Variants in FBXL18 observed in about 807,000 individuals in gnomAD.
FBXL18 encodes the protein F-box and leucine rich repeat protein 18.
A neutral mutation model predicts 46.0 loss-of-function variants in FBXL18; 36 were observed. The ratio of observed to expected loss-of-function variants is 0.78; its 90% CI spans 0.60 to 1.03. The LOEUF (loss-of-function observed/expected upper bound fraction) is 1.03, where lower values mean the gene tolerates loss of function less well. FBXL18 is among the 50% of genes least tolerant of loss of function. FBXL18 has a pLI of 0.00. For missense variants in FBXL18, 977 were observed against 1,004.1 expected (o/e 0.97, Z 0.36); for synonymous variants, 557 against 465.3 (o/e 1.20, Z -2.54).
intron 3 of FBXL18, 106 bp from the exon 4 acceptor site, chr7:5,491,555 A>T (rs1361961662): frequency 1.0e-6 from 1 of 961,206 alleles, no homozygotes; most frequent in Non-Finnish European, 1.5e-6. Flanking sequence ...CCTGGGGCCC[A>T]GCCCAGCTGT....
In FBXL18 at chr7:5,484,917, G is replaced by T. The variant is rs1783736076; in HGVS notation, c.2001-2986C>A. On this transcript the variant is annotated intron_variant, in intron 4 of 4. Coordinates refer to ENST00000382368, the MANE Select transcript of FBXL18 (RefSeq NM_024963.6). Reference sequence around the variant, plus strand: ...GCCTCCCAAAGTGCTGGGATTACAGGTGTGAGCCACCATACCCGGCCATTA... The same window carrying T: ...GCCTCCCAAAGTGCTGGGATTACAGTTGTGAGCCACCATACCCGGCCATTA... Among the ~76,000 whole-genome samples the T allele has an allele frequency of 3.3e-5, 5 of 152,080 alleles. No individual in the cohort carries two copies. The South Asian group carries it at 1.0e-3, about 31-fold the overall frequency.
chr7:5,478,748 G>C lies in FBXL18; in HGVS notation c.*3027C>G, dbSNP rs1460765843. On this transcript the variant is annotated 3_prime_UTR_variant, in exon 5 of 5. Transcript: ENST00000382368. ...ACACGAAGGCACACGTGCACACACA[G>C]GGCACAGGTACACGCAGGCACATGT... The C allele has an allele frequency of 6.6e-6, 1 of 151,514 alleles. No homozygotes were observed. Among genetic ancestry groups the C allele is most frequent in the African/African-American group, 2.4e-5 (1 of 41,116 alleles). The allele number at this position is 151,514 out of a possible 1,614,324, so 9.4% of individuals were successfully genotyped here.
At chr7:5,505,391 C>G (rs758313353) in intron 2 of FBXL18, 21 bp downstream of exon 2, 87 of 1,609,808 alleles carry the variant, frequency 5.4e-5, no homozygotes, top group Non-Finnish European at 7.1e-5. Context: ...TTTCTCATCT[C>G]CTGCCCCCAC....
Position 5,513,802 on chromosome 7 carries a change from T to C in FBXL18, c.-128A>G. 7.5e-7 allele frequency: 1 copy of C among 1,330,078 alleles called. No individual in the cohort carries two copies. The highest frequency in any genetic ancestry group is 1.0e-6 in the Non-Finnish European group (1 of 980,910). The allele number at this position is 1,330,078 out of a possible 1,614,324, so 82.4% of individuals were successfully genotyped here. On this transcript the variant is annotated 5_prime_UTR_variant, in exon 1 of 5. Coordinates refer to ENST00000382368, the MANE Select transcript of FBXL18 (RefSeq NM_024963.6). The stretch of plus-strand genomic sequence containing the variant: ...GACCCCGGCAAGGAGCGGGCTCTCG[T>C]CACTTCCGGCGCCCGCCTACACGCA...
intron 4 of FBXL18, among the ~76,000 whole-genome samples, chr7:5,466,197 A>G (rs1783338970): frequency 6.6e-6 from 1 of 152,082 alleles, no homozygotes; most frequent in South Asian, 2.1e-4. Context: ...GAAAAGAAAA[A>G]AAAAAGAGGT....
At chr7:5,486,691 C>T (rs929933014) in intron 4 of FBXL18, among the ~76,000 whole-genome samples, 1 of 152,064 alleles carries the variant, frequency 6.6e-6, no homozygotes, top group Non-Finnish European at 1.5e-5. Flanking sequence ...AGACGGCGGC[C>T]GATACCCAGT....
intron 1 of FBXL18, among the ~76,000 whole-genome samples, chr7:5,509,362 CACA>C (rs774752210): frequency 2.6e-5 from 4 of 152,030 alleles, no homozygotes; most frequent in African/African-American, 9.7e-5. Context: ...CAGCAAATTC[CACA>C]ACATCATTTT....
chr7:5,468,832 C>T (rs933318227), intron 4 of FBXL18, among the ~76,000 whole-genome samples: 9 of 151,896 alleles, frequency 5.9e-5, no homozygotes, highest in Non-Finnish European at 1.2e-4. Context: ...AATTCCTGGC[C>T]TCAAGTGATC....
Position 5,500,707 on chromosome 7 carries a change from T to C in FBXL18, c.1562A>G (p.Asp521Gly), listed in dbSNP as rs1415593646. 2 of 1,610,682 alleles carry C rather than the reference T, an allele frequency of 1.2e-6. No homozygotes were observed. The highest frequency in any genetic ancestry group is 8.5e-7 in the Non-Finnish European group (1 of 1,178,948). ...PPCSRAQSVG[D>G]SEVAAIGQLA... ...CTGGCCGATGGCGGCCACCTCCGAGTCCCCGACACTCTGTGCGCGGCTGCA... is the reference window on the plus strand; with the variant it reads ...CTGGCCGATGGCGGCCACCTCCGAGCCCCCGACACTCTGTGCGCGGCTGCA... Residue 521 changes from aspartate (D) to glycine (G), a missense_variant, in exon 3 of 5, where the codon GAC becomes GGC. Coordinates refer to ENST00000382368, the MANE Select transcript of FBXL18 (RefSeq NM_024963.6).
intron 4 of FBXL18, among the ~76,000 whole-genome samples, chr7:5,485,947 T>A (rs1291651848): frequency 6.6e-6 from 1 of 151,910 alleles, no homozygotes; most frequent in African/African-American, 2.4e-5. Flanking sequence ...TAATCCCAGC[T>A]ACTCAGGAGG....
chr7:5,462,995 TA>T (rs112642149), intron 4 of FBXL18, among the ~76,000 whole-genome samples: 4,543 of 30,358 alleles, frequency 0.15, 622 homozygotes, highest in East Asian at 0.51. Context: ...TATATATATA[TA>T]ATATATATAC....
In FBXL18 at chr7:5,501,081, G is replaced by A; in HGVS notation, c.1188C>T (p.His396=). 7.4e-6 allele frequency: 12 copies of A among 1,611,874 alleles called. No individual in the cohort carries two copies. The highest frequency in any genetic ancestry group is 1.0e-5 in the Non-Finnish European group (12 of 1,179,692). The change falls in exon 3 of 5, where the codon CAC becomes CAT. Residue 396 remains histidine, a synonymous_variant. Transcript: ENST00000382368. The part of the protein sequence containing the change: ...RHLNLSAAHH[H]SSEGLGRHLC... ...GGTGGCGGCCCAGGCCCTCCGAGCT[G>A]TGGTGGTGGGCGGCCGAGAGGTTCA...
chr7:5,504,915 C>CAAAAAAAAAAAAA (rs59985346), intron 2 of FBXL18, among the ~76,000 whole-genome samples: 1 of 30,048 alleles, frequency 3.3e-5, no homozygotes, highest in African/African-American at 1.4e-4. Flanking sequence ...GACTCCATCT[C>CAAAAAAAAAAAAA]AAAAAAAAAA....
chr7:5,466,986 G>A (rs1562673876), intron 4 of FBXL18, among the ~76,000 whole-genome samples: 1 of 152,204 alleles, frequency 6.6e-6, no homozygotes, highest in Non-Finnish European at 1.5e-5. Flanking sequence ...GGAGGCCGAG[G>A]CAGGCGGATC....
chr7:5,465,962 C>T (rs996062026), intron 4 of FBXL18, among the ~76,000 whole-genome samples: 9 of 151,934 alleles, frequency 5.9e-5, no homozygotes, highest in Admixed American at 2.0e-4. Context: ...GGATTACAGG[C>T]GCCAGCCACT....
rs1783325458 is a variant in FBXL18 at position 5,465,252 on chromosome 7, G to A, written c.2001-17409C>T. On this transcript the variant is annotated intron_variant and NMD_transcript_variant, in intron 4 of 6. Transcript: ENST00000415009. ...GTCGTGCTCTGTCGCCCAGGCTGCA[G>A]TGCAGTGGCATGATCTCAGCTTACT... Among the ~76,000 whole-genome samples the A allele has an allele frequency of 2.6e-5, 4 of 152,100 alleles. No individual in the cohort carries two copies. In the South Asian group the frequency reaches 8.3e-4, roughly 32 times the overall value.
At chr7:5,494,761 T>C (rs1032509255) in intron 3 of FBXL18, among the ~76,000 whole-genome samples, 4 of 152,174 alleles carry the variant, frequency 2.6e-5, no homozygotes, top group African/African-American at 9.6e-5. Flanking sequence ...AAACGGGGCG[T>C]TGGGCAAGGA....
intron 3 of FBXL18, among the ~76,000 whole-genome samples, chr7:5,492,736 C>T (rs778183986): frequency 2.4e-4 from 36 of 152,050 alleles, no homozygotes; most frequent in Non-Finnish European, 4.0e-4. Context: ...AGACAGAAGG[C>T]GGCCAGGTCA....
Position 5,481,571 on chromosome 7 carries a change from A to G in FBXL18, c.*204T>C, listed in dbSNP as rs769906499. On this transcript the variant is annotated 3_prime_UTR_variant, in exon 5 of 5. Coordinates refer to ENST00000382368, the MANE Select transcript of FBXL18 (RefSeq NM_024963.6). Reference sequence around the variant, plus strand: ...CCCCGAGCCCCCTCATGTCACCCAGAACGCATCCCCTCGACCTAAACTTCA... The same window carrying G: ...CCCCGAGCCCCCTCATGTCACCCAGGACGCATCCCCTCGACCTAAACTTCA... The G allele has an allele frequency of 7.4e-5, 42 of 565,540 alleles. No individual in the cohort carries two copies. Among genetic ancestry groups the G allele is most frequent in the Non-Finnish European group, 1.2e-4 (39 of 318,708 alleles). 35.0% of individuals were successfully genotyped at this position (565,540 alleles called of 1,614,324 possible). A position where few individuals can be genotyped will look rare whatever the true frequency, so the allele number is the denominator to read the frequency against.
Sources: allele counts gnomAD v4.1 joint callset (sites outside exome capture counted in the v4.1 genomes callset), GRCh38; gene constraint gnomAD v4.1.1; transcripts MANE v1.5; gene names NCBI Gene and HGNC (gene_info 2026-07-23, HGNC 2026-07-21).